Variants in DNAAF9 observed in about 807,000 individuals in gnomAD.
DNAAF9 encodes shulin.
A neutral mutation model predicts 167.0 loss-of-function variants in DNAAF9; 90 were observed. That is an observed-to-expected ratio of 0.54 (90% confidence interval 0.45 to 0.64). The LOEUF (loss-of-function observed/expected upper bound fraction) is 0.64, where lower values mean the gene tolerates loss of function less well. DNAAF9 is among the 30% of genes least tolerant of loss of function. The probability of loss-of-function intolerance (pLI) is 0.00; values close to 1 mark genes in which losing one functional copy is unlikely to be tolerated. For synonymous variants in DNAAF9, 491 were observed against 508.8 expected (o/e 0.96, Z 0.47); for missense variants, 1,315 against 1,442.2 (o/e 0.91, Z 1.43).
At chr20:3,366,490 T>G (rs11698615) in intron 6 of DNAAF9, among the ~76,000 whole-genome samples, 3 of 152,282 alleles carry the variant, frequency 2.0e-5, no homozygotes, top group South Asian at 2.1e-4. Flanking sequence ...CAGAGTAGAT[T>G]TGGCATAATC....
At chr20:3,330,575 G>T (rs2069807479) in intron 12 of DNAAF9, 71 bp downstream of exon 12, 2 of 895,134 alleles carry the variant, frequency 2.2e-6, no homozygotes, top group Non-Finnish European at 3.7e-6. Context: ...GATCTCAAAA[G>T]GAAGTACACA....
At chr20:3,303,391 T>C (rs1036674892) in intron 21 of DNAAF9, among the ~76,000 whole-genome samples, 3 of 152,190 alleles carry the variant, frequency 2.0e-5, no homozygotes, top group Non-Finnish European at 4.4e-5. Flanking sequence ...TTTAAATATA[T>C]TTAATTTTAA....
intron 28 of DNAAF9, among the ~76,000 whole-genome samples, chr20:3,279,721 T>C (rs1038427377): frequency 1.4e-4 from 22 of 152,178 alleles, no homozygotes; most frequent in African/African-American, 5.1e-4. Flanking sequence ...ATCTAACAGA[T>C]GAAAGGCATG....
chr20:3,297,725 G>A (rs986800403), intron 22 of DNAAF9, among the ~76,000 whole-genome samples: 2 of 152,188 alleles, frequency 1.3e-5, no homozygotes, highest in Non-Finnish European at 2.9e-5. Context: ...TCAGTAGGTA[G>A]GGCCCAACAA....
intron 6 of DNAAF9, 149 bp from the exon 7 acceptor site, chr20:3,359,742 A>G: frequency 3.4e-6 from 2 of 587,898 alleles, no homozygotes; most frequent in Non-Finnish European, 3.0e-6. Context: ...TATTTGCCCT[A>G]TACATATTAA....
intron 8 of DNAAF9, among the ~76,000 whole-genome samples, chr20:3,345,767 C>G (rs2070180695): frequency 6.6e-6 from 1 of 152,062 alleles, no homozygotes; most frequent in Non-Finnish European, 1.5e-5. Context: ...AACAAACCAA[C>G]TGACAAATAT....
intron 6 of DNAAF9, among the ~76,000 whole-genome samples, chr20:3,362,512 GT>G (rs1019470873): frequency 1.3e-5 from 2 of 150,140 alleles, no homozygotes; most frequent in Non-Finnish European, 3.0e-5. Context: ...AATCAATTCT[GT>G]TTTTTTTCTA....
At chr20:3,337,849 A>G (rs2071519661) in intron 10 of DNAAF9, among the ~76,000 whole-genome samples, 1 of 151,770 alleles carries the variant, frequency 6.6e-6, no homozygotes, top group Non-Finnish European at 1.5e-5. Context: ...TACAGTTACT[A>G]TTATTAGAGA....
At chr20:3,253,236 G>A (rs1040010043) in intron 36 of DNAAF9, among the ~76,000 whole-genome samples, 8 of 152,348 alleles carry the variant, frequency 5.3e-5, no homozygotes, top group East Asian at 1.9e-4. Context: ...GAGGTCAGGC[G>A]TTTGAGACCA....
At chr20:3,391,663 C>T (rs1035560173) in intron 1 of DNAAF9, among the ~76,000 whole-genome samples, 4 of 150,736 alleles carry the variant, frequency 2.7e-5, no homozygotes, top group Non-Finnish European at 4.4e-5. Flanking sequence ...TCACTGCAAC[C>T]TCTGCCTCCC....
chr20:3,311,209 T>C (rs941832806), intron 20 of DNAAF9, among the ~76,000 whole-genome samples: 2 of 152,156 alleles, frequency 1.3e-5, no homozygotes, highest in East Asian at 1.9e-4. Context: ...GGTGAGATCA[T>C]AGCTTACTGC....
chr20:3,403,172 C>A lies in DNAAF9; in HGVS notation c.83+4303G>T, dbSNP rs1356398101. Among the ~76,000 whole-genome samples the A allele has an allele frequency of 3.9e-5, 6 of 152,180 alleles. No individual in the cohort carries two copies. In the East Asian group the frequency reaches 9.7e-4, roughly 24 times the overall value. ...GTCCTCCATCCTACTTCAGCTATTCCCTTCCACATTGCCACATCCAAGCAG... is the reference window on the plus strand; with the variant it reads ...GTCCTCCATCCTACTTCAGCTATTCACTTCCACATTGCCACATCCAAGCAG... On this transcript the variant is annotated intron_variant, in intron 1 of 36. Coordinates refer to ENST00000252032, the MANE Select transcript of DNAAF9 (RefSeq NM_001009984.3).
rs572375712 is a variant in DNAAF9, at chr20:3,380,106, T to A, written c.283+1273A>T. Among the ~76,000 whole-genome samples, 18 of 152,266 alleles carry A rather than the reference T, an allele frequency of 1.2e-4. No individual in the cohort carries two copies. In the South Asian group the frequency reaches 3.5e-3, roughly 30 times the overall value. On this transcript the variant is annotated intron_variant, in intron 3 of 36. Coordinates refer to ENST00000252032, the MANE Select transcript of DNAAF9 (RefSeq NM_001009984.3). ...AAGCAAAAAAGCACACCTTTAAGAA[T>A]TTAAACTATTTCCTTAATTTCAGTA... is the stretch of plus-strand genomic sequence containing the variant.
intron 10 of DNAAF9, among the ~76,000 whole-genome samples, chr20:3,334,673 T>C (rs1600806469): frequency 1.3e-5 from 2 of 152,198 alleles, no homozygotes; most frequent in East Asian, 1.9e-4. Flanking sequence ...CCACCGGCAA[T>C]AAATCAGAGT....
At chr20:3,301,881 C>A (rs984256964) in intron 21 of DNAAF9, among the ~76,000 whole-genome samples, 1 of 151,922 alleles carries the variant, frequency 6.6e-6, no homozygotes, top group African/African-American at 2.4e-5. Flanking sequence ...GTCTAAATCA[C>A]CAAAAATGTT....
chr20:3,369,302 T>C (rs1335639225), intron 6 of DNAAF9, among the ~76,000 whole-genome samples: 3 of 152,212 alleles, frequency 2.0e-5, no homozygotes, highest in Non-Finnish European at 4.4e-5. Flanking sequence ...CCTTATGGTA[T>C]CGTGGCCTCC....
intron 17 of DNAAF9, among the ~76,000 whole-genome samples, chr20:3,317,337 G>A (rs1279294834): frequency 4.1e-5 from 6 of 144,838 alleles, no homozygotes; most frequent in African/African-American, 1.3e-4. Flanking sequence ...CTCCAGCCTG[G>A]GTGACAGAGC....
intron 28 of DNAAF9, among the ~76,000 whole-genome samples, chr20:3,279,700 G>A (rs958286816): frequency 1.3e-5 from 2 of 152,200 alleles, no homozygotes; most frequent in Admixed American, 6.5e-5. Context: ...TGTCTGCTCT[G>A]TGCCTCAGGT....
At position 3,330,694 on chromosome 20, in the gene DNAAF9, GC is replaced by G; in HGVS notation, c.1064-13del. 1.3e-6 allele frequency: 2 copies of G among 1,567,390 alleles called. No individual in the cohort carries two copies. The highest frequency in any genetic ancestry group is 1.8e-6 in the Non-Finnish European group (2 of 1,140,494). ...CTTGCTGTCACCACCTGTGAAAGAG[GC>G]CCACTAAGAATGTGACAAGAGCACA... On this transcript the variant is annotated splice_polypyrimidine_tract_variant and intron_variant, in intron 11 of 36. Transcript: ENST00000252032.
Sources: gnomAD v4.1 joint callset for allele counts (sites outside exome capture counted in the v4.1 genomes callset) on GRCh38, gnomAD v4.1.1 for gene constraint, MANE v1.5 for transcripts, NCBI Gene and HGNC (gene_info 2026-07-23, HGNC 2026-07-21) for gene names.